IBSP: variants seen among roughly 807,000 people sequenced by gnomAD.
The protein encoded by IBSP is integrin-binding sialoprotein.
In IBSP, 19 loss-of-function variants were observed where a neutral mutation model predicts 25.5. The ratio of observed to expected loss-of-function variants is 0.74; its 90% confidence interval spans 0.52 to 1.09. IBSP has a LOEUF of 1.09. Among genes scored for constraint, IBSP ranks in the 50% least tolerant of loss-of-function variants. IBSP has a pLI of 0.00. For synonymous variants in IBSP, 144 were observed against 137.6 expected (o/e 1.05, Z -0.33); for missense variants, 360 against 382.3 (o/e 0.94, Z 0.49).
intron 5 of IBSP, among the ~76,000 whole-genome samples, chr4:87,807,040 A>T (rs956190686): frequency 1.3e-5 from 2 of 152,102 alleles, no homozygotes; most frequent in Non-Finnish European, 2.9e-5. Context: ...AAAAAATCAT[A>T]CGTCTTTTTG....
chr4:87,800,346 C>T (rs1439108379), intron 1 of IBSP, among the ~76,000 whole-genome samples: 1 of 152,184 alleles, frequency 6.6e-6, no homozygotes, highest in East Asian at 1.9e-4. Context: ...ATTATTTATG[C>T]CATCTTTTCA....
Position 87,812,328 on chromosome 4 carries a change from C to T in IBSP, c.*418C>T, listed in dbSNP as rs1434285162. 6.3e-6 allele frequency: 1 copy of T among 158,220 alleles called. No individual in the cohort carries two copies. Among genetic ancestry groups the T allele is most frequent in the African/African-American group, 2.4e-5 (1 of 41,730 alleles). 9.8% of individuals were successfully genotyped at this position (158,220 alleles called of 1,614,324 possible). A position where few individuals can be genotyped will look rare whatever the true frequency, so the allele number is the denominator to read the frequency against. ...ATGTGTAGTTTCTTAATCGCACTACCTATGCAACACTGTGTATTAGGTTTA... is the reference window on the plus strand; with the variant it reads ...ATGTGTAGTTTCTTAATCGCACTACTTATGCAACACTGTGTATTAGGTTTA... On this transcript the variant is annotated 3_prime_UTR_variant, in exon 7 of 7. Transcript: ENST00000226284.
At chr4:87,801,836 C>T (rs1722021190) in intron 1 of IBSP, among the ~76,000 whole-genome samples, 1 of 152,056 alleles carries the variant, frequency 6.6e-6, no homozygotes, top group Admixed American at 6.6e-5. Context: ...CAAGTTTCAC[C>T]ATGTTGCCCA....
intron 4 of IBSP, among the ~76,000 whole-genome samples, chr4:87,803,297 G>C (rs1722047368): frequency 6.6e-6 from 1 of 151,970 alleles, no homozygotes; most frequent in Non-Finnish European, 1.5e-5. Context: ...AATCATAATG[G>C]TAAAACTGCA....
chr4:87,807,356 G>C lies in IBSP; in HGVS notation c.246+1172G>C, dbSNP rs184073272. 3.3e-5 allele frequency among the ~76,000 whole-genome samples: 5 copies of C among 151,912 alleles called. No individual in the cohort carries two copies. In the East Asian group the frequency reaches 9.6e-4, roughly 29 times the overall value. ...TGAAAACAAAATGGTGTGGGAACTT[G>C]AAAGGTGACGAATCATTAGTTTGGT... On this transcript the variant is annotated intron_variant, in intron 5 of 6. Transcript: ENST00000226284.
At chr4:87,808,941 T>C (rs138178037) in intron 5 of IBSP, among the ~76,000 whole-genome samples, 27 of 152,336 alleles carry the variant, frequency 1.8e-4, no homozygotes, top group Admixed American at 1.8e-3. Flanking sequence ...TACATATTCA[T>C]TTCTCGAGGC....
chr4:87,802,877 A>G, intron 4 of IBSP, 146 bp downstream of exon 4: 1 of 569,902 alleles, frequency 1.8e-6, no homozygotes, highest in Non-Finnish European at 3.0e-6. Context: ...TTTTTAGGGA[A>G]ATAAGGTTTA....
Position 87,812,231 on chromosome 4 carries a change from G to A in IBSP, c.*321G>A. 4.1e-6 allele frequency: 1 copy of A among 245,526 alleles called. No individual in the cohort carries two copies. Among genetic ancestry groups the A allele is most frequent in the Non-Finnish European group, 7.7e-6 (1 of 129,962 alleles). 15.2% of individuals were successfully genotyped at this position (245,526 alleles called of 1,614,324 possible). A position where few individuals can be genotyped will look rare whatever the true frequency, so the allele number is the denominator to read the frequency against. Reference sequence around the variant, plus strand: ...TAACATGCCTGTAGTATTGCTAACTGCAAAAACATACTCTTTGTACAAGAA... The same window carrying A: ...TAACATGCCTGTAGTATTGCTAACTACAAAAACATACTCTTTGTACAAGAA... On this transcript the variant is annotated 3_prime_UTR_variant, in exon 7 of 7. Transcript: ENST00000226284.
Position 87,811,617 on chromosome 4 carries a change from G to C in IBSP, c.661G>C (p.Gly221Arg), listed in dbSNP as rs1373499285. The C allele has an allele frequency of 1.2e-6, 2 of 1,613,548 alleles. No individual in the cohort carries two copies. Among genetic ancestry groups the C allele is most frequent in the Non-Finnish European group, 8.5e-7 (1 of 1,179,932 alleles). Reference sequence around the variant, plus strand: ...AGACACCACAGAGACCGGAAGGCAGGGCAAGGGCACCTCGAAGACAACAAC... The same window carrying C: ...AGACACCACAGAGACCGGAAGGCAGCGCAAGGGCACCTCGAAGACAACAAC... ...AEDTTETGRQ[G>R]KGTSKTTTSP... The change falls in exon 7 of 7, where the codon GGC becomes CGC. Residue 221 changes from glycine to arginine, a missense_variant. Coordinates refer to ENST00000226284, the MANE Select transcript of IBSP (RefSeq NM_004967.4).
chr4:87,805,299 C>T (rs1722074647), intron 4 of IBSP, among the ~76,000 whole-genome samples: 1 of 152,090 alleles, frequency 6.6e-6, no homozygotes, highest in Non-Finnish European at 1.5e-5. Context: ...TTTACATTTC[C>T]TTTCAAAAAG....
chr4:87,809,846 AAC>A (rs1722144098), intron 5 of IBSP, among the ~76,000 whole-genome samples: 1 of 151,882 alleles, frequency 6.6e-6, no homozygotes, highest in Non-Finnish European at 1.5e-5. Flanking sequence ...TCAATTAAAA[AAC>A]AATTGCCTCA....
At chr4:87,809,190 A>G (rs1481739156) in intron 5 of IBSP, among the ~76,000 whole-genome samples, 2 of 152,180 alleles carry the variant, frequency 1.3e-5, no homozygotes, top group East Asian at 3.8e-4. Context: ...TTTCTATCCA[A>G]TAAAATTTGT....
In IBSP at chr4:87,802,573, C is replaced by A; in HGVS notation, c.105+15C>A. On this transcript the variant is annotated intron_variant, in intron 3 of 6. Transcript: ENST00000226284. ...AAGAAAATGGGGTAATTAATTTTAG[C>A]ATACTTCCTTGGCCTGATTATACTT... is the stretch of plus-strand genomic sequence containing the variant. 1 of 1,598,470 alleles carries A rather than the reference C, an allele frequency of 6.3e-7. No homozygotes were observed. The highest frequency in any genetic ancestry group is 8.5e-7 in the Non-Finnish European group (1 of 1,173,100).
At chr4:87,809,215 A>C (rs921343006) in intron 5 of IBSP, among the ~76,000 whole-genome samples, 2 of 152,216 alleles carry the variant, frequency 1.3e-5, no homozygotes, top group Admixed American at 1.3e-4. Context: ...CCTCATACCC[A>C]TCAACAGTAA....
At chr4:87,803,244 A>C (rs1261788157) in intron 4 of IBSP, among the ~76,000 whole-genome samples, 1 of 152,144 alleles carries the variant, frequency 6.6e-6, no homozygotes, top group Admixed American at 6.6e-5. Context: ...CTGCACCTTA[A>C]CCTGTGTGGG....
chr4:87,800,716 G>A (rs544273009), intron 1 of IBSP, among the ~76,000 whole-genome samples: 20 of 152,268 alleles, frequency 1.3e-4, no homozygotes, highest in African/African-American at 4.8e-4. Context: ...TGTGACTTAG[G>A]ACCCAAGACA....
At chr4:87,806,580 C>T (rs1309784201) in intron 5 of IBSP, among the ~76,000 whole-genome samples, 1 of 152,160 alleles carries the variant, frequency 6.6e-6, no homozygotes, top group Non-Finnish European at 1.5e-5. Flanking sequence ...CAGTGCAAGA[C>T]TTGTTTTAAG....
At position 87,811,873 on chromosome 4, in the gene IBSP, A is replaced by T; in HGVS notation, c.917A>T (p.Asp306Val). ...AGCTACTTTAAAGGACAAGGCTACGATGGCTATGATGGTCAGAATTACTAC... is the reference window on the plus strand; with the variant it reads ...AGCTACTTTAAAGGACAAGGCTACGTTGGCTATGATGGTCAGAATTACTAC... The part of the protein sequence containing the change: ...EYSYFKGQGY[D>V]GYDGQNYYHH... The change falls in exon 7 of 7, where the codon GAT (aspartate) becomes GTT (valine). Residue 306 changes from aspartate to valine, a missense_variant. Physicochemically the swap from Asp to Val is radical, Grantham distance 152. Transcript: ENST00000226284. 1 of 1,543,300 alleles carries T rather than the reference A, an allele frequency of 6.5e-7. No individual in the cohort carries two copies. Among genetic ancestry groups the T allele is most frequent in the Non-Finnish European group, 8.7e-7 (1 of 1,144,834 alleles).
chr4:87,810,997 C>T (rs553836547), intron 6 of IBSP, among the ~76,000 whole-genome samples: 1 of 152,180 alleles, frequency 6.6e-6, no homozygotes, highest in East Asian at 1.9e-4. Context: ...ATTACACTGA[C>T]TTTTACATTA....
Sources: allele counts gnomAD v4.1 joint callset (sites outside exome capture counted in the v4.1 genomes callset), GRCh38; gene constraint gnomAD v4.1.1; transcripts MANE v1.5; gene names NCBI Gene and HGNC (gene_info 2026-07-23, HGNC 2026-07-21).